Variants in PRKG1 observed in about 807,000 individuals in gnomAD.
The protein encoded by PRKG1 is cGMP-dependent protein kinase 1.
In PRKG1, 35 loss-of-function variants were observed where a neutral mutation model predicts 88.1. That is an observed-to-expected ratio of 0.40 (90% CI 0.30 to 0.53). PRKG1 has a LOEUF of 0.53. Among genes scored for constraint, PRKG1 ranks in the 20% least tolerant of loss-of-function variants. The pLI is 0.59. For synonymous variants in PRKG1, 303 were observed against 292.5 expected (o/e 1.04, Z -0.37); for missense variants, 540 against 839.8 (o/e 0.64, Z 4.41).
At chr10:51,751,385 GC>G (rs1477513198) in intron 3 of PRKG1, among the ~76,000 whole-genome samples, 8 of 152,092 alleles carry the variant, frequency 5.3e-5, no homozygotes, top group African/African-American at 1.7e-4. Flanking sequence ...TTAAAGGCAC[GC>G]ACCATCTAAT....
chr10:51,989,341 A>G (rs565101654), intron 5 of PRKG1, among the ~76,000 whole-genome samples: 1 of 152,080 alleles, frequency 6.6e-6, no homozygotes, highest in Non-Finnish European at 1.5e-5. Flanking sequence ...AGACAATAGC[A>G]TCATCAAAGA....
intron 3 of PRKG1, among the ~76,000 whole-genome samples, chr10:51,480,440 T>C (rs529739915): frequency 6.6e-6 from 1 of 152,274 alleles, no homozygotes; most frequent in Admixed American, 6.5e-5. Flanking sequence ...GACTTATACG[T>C]TGGGCTCGTA....
At chr10:52,275,694 A>AT (rs1012635435) in intron 12 of PRKG1, among the ~76,000 whole-genome samples, 11 of 151,668 alleles carry the variant, frequency 7.3e-5, no homozygotes, top group African/African-American at 2.7e-4. Context: ...GAATTTTAGA[A>AT]TTTTTTTTCT....
At chr10:51,578,399 T>C (rs562681493) in intron 3 of PRKG1, among the ~76,000 whole-genome samples, 1 of 152,294 alleles carries the variant, frequency 6.6e-6, no homozygotes, top group South Asian at 2.1e-4. Context: ...CATTTTCTGT[T>C]TTTAAAGACA....
intron 5 of PRKG1, among the ~76,000 whole-genome samples, chr10:52,003,575 C>T (rs1288891817): frequency 6.6e-6 from 1 of 152,146 alleles, no homozygotes; most frequent in Non-Finnish European, 1.5e-5. Context: ...ATTTATTCAG[C>T]AAACATTATT....
At chr10:51,991,619 G>A (rs756553354) in intron 5 of PRKG1, among the ~76,000 whole-genome samples, 36 of 152,170 alleles carry the variant, frequency 2.4e-4, no homozygotes, top group Non-Finnish European at 4.3e-4. Flanking sequence ...CTATGAGTGA[G>A]AACATGCAGT....
intron 2 of PRKG1, among the ~76,000 whole-genome samples, chr10:51,216,638 A>G (rs919469642): frequency 6.6e-6 from 1 of 152,188 alleles, no homozygotes; most frequent in Non-Finnish European, 1.5e-5. Flanking sequence ...TGTCATCATC[A>G]TTTTCAAGAT....
chr10:51,804,749 G>A, intron 4 of PRKG1, 59 bp downstream of exon 4: 1 of 1,201,076 alleles, frequency 8.3e-7, no homozygotes, highest in Non-Finnish European at 1.2e-6. Flanking sequence ...CCTATTATCT[G>A]AAATGCAGCA....
chr10:51,193,823 C>T (rs1424336578), intron 2 of PRKG1, among the ~76,000 whole-genome samples: 1 of 152,066 alleles, frequency 6.6e-6, no homozygotes, highest in African/African-American at 2.4e-5. Context: ...TTTCTCAGCC[C>T]CTAATTCAAG....
At chr10:51,047,647 G>A (rs1843507535) in intron 1 of PRKG1, among the ~76,000 whole-genome samples, 1 of 147,456 alleles carries the variant, frequency 6.8e-6, no homozygotes, top group Non-Finnish European at 1.5e-5. Context: ...AGGAGATGTT[G>A]CATCACAAGA....
At chr10:51,740,633 A>T (rs1837409451) in intron 3 of PRKG1, among the ~76,000 whole-genome samples, 1 of 152,306 alleles carries the variant, frequency 6.6e-6, no homozygotes, top group South Asian at 2.1e-4. Flanking sequence ...AAATATTAGT[A>T]TAAATGGCAA....
chr10:52,233,239 T>G (rs372541448), intron 9 of PRKG1, among the ~76,000 whole-genome samples: 1 of 150,130 alleles, frequency 6.7e-6, no homozygotes, highest in African/African-American at 2.4e-5. Context: ...TGGCCAAATA[T>G]TCAACTCTGT....
intron 3 of PRKG1, among the ~76,000 whole-genome samples, chr10:51,528,245 A>C (rs537714960): frequency 6.6e-6 from 1 of 152,318 alleles, no homozygotes; most frequent in African/African-American, 2.4e-5. Context: ...TCTCATAACA[A>C]ATAATCCTGA....
intron 1 of PRKG1, among the ~76,000 whole-genome samples, chr10:51,061,344 C>T (rs1210267814): frequency 6.6e-6 from 1 of 152,096 alleles, no homozygotes; most frequent in Non-Finnish European, 1.5e-5. Flanking sequence ...AAAACCTACC[C>T]CCATGAGTCA....
intron 9 of PRKG1, among the ~76,000 whole-genome samples, chr10:52,173,286 G>A (rs1838761247): frequency 1.3e-5 from 2 of 152,084 alleles, no homozygotes; most frequent in African/African-American, 4.8e-5. Context: ...TAGTAATTAA[G>A]TAAGCCTTTA....
At chr10:51,464,909 A>AG (rs1839855934) in intron 2 of PRKG1, among the ~76,000 whole-genome samples, 1 of 151,040 alleles carries the variant, frequency 6.6e-6, no homozygotes, top group Admixed American at 6.6e-5. Flanking sequence ...AAAAAAAAAA[A>AG]AGATAAGATC....
rs202215749 is a variant in PRKG1, at chr10:52,293,789, C to G, written c.1963-13C>G. On this transcript the variant is annotated splice_polypyrimidine_tract_variant and intron_variant, in intron 17 of 17. Transcript: ENST00000373980. ...AAAAAATCCACTAAAAAAAACCTGT[C>G]CATTTTTTACAGGTTGCATCACCCA... 1 of 1,600,090 alleles carries G rather than the reference C, an allele frequency of 6.2e-7. No individual in the cohort carries two copies. Among genetic ancestry groups the G allele is most frequent in the African/African-American group, 1.3e-5 (1 of 74,414 alleles).
At chr10:52,012,542 G>A (rs554216706) in intron 5 of PRKG1, among the ~76,000 whole-genome samples, 82 of 151,590 alleles carry the variant, frequency 5.4e-4, no homozygotes, top group African/African-American at 1.4e-3. Flanking sequence ...GCGCCCAGCC[G>A]CGCCCAGCTA....
chr10:51,495,220 G>C (rs556184335), intron 3 of PRKG1, among the ~76,000 whole-genome samples: 9 of 152,142 alleles, frequency 5.9e-5, no homozygotes, highest in East Asian at 1.9e-4. Context: ...TCAGCCTCCT[G>C]AGTGGCTGGG....
Sources: allele counts gnomAD v4.1 joint callset (sites outside exome capture counted in the v4.1 genomes callset), GRCh38; gene constraint gnomAD v4.1.1; transcripts MANE v1.5; gene names NCBI Gene and HGNC (gene_info 2026-07-23, HGNC 2026-07-21).